Variants in PRUNE2 observed in about 807,000 individuals in gnomAD.
PRUNE2 encodes protein prune homolog 2.
A neutral mutation model predicts 252.0 loss-of-function variants in PRUNE2; 164 were observed. That is an observed-to-expected ratio of 0.65 (90% CI 0.57 to 0.74). The LOEUF is 0.74. Ranked by LOEUF, PRUNE2 falls within the 30% of genes least tolerant of loss-of-function variation. PRUNE2 has a pLI of 0.00. For missense variants in PRUNE2, 3,495 were observed against 3,711.0 expected (o/e 0.94, Z 1.51); for synonymous variants, 1,292 against 1,350.2 (o/e 0.96, Z 0.94).
intron 9 of PRUNE2, among the ~76,000 whole-genome samples, chr9:76,678,339 G>A (rs1251560163): frequency 1.7e-4 from 16 of 93,250 alleles, no homozygotes; most frequent in African/African-American, 6.1e-4. Context: ...AGACAAGAGC[G>A]AGACTCCATC....
Position 76,728,329 on chromosome 9 carries a change from C to T in PRUNE2, c.757-14608G>A, listed in dbSNP as rs140150441. ...CAATCCATTCTCAACCCCGGCTATA[C>T]CTAAGAATAGCCCAGGGAGCTGTTA... On this transcript the variant is annotated intron_variant, in intron 6 of 18. Coordinates refer to ENST00000376718, the MANE Select transcript of PRUNE2 (RefSeq NM_015225.3). Among the ~76,000 whole-genome samples, 154 of 152,014 alleles carry T rather than the reference C, an allele frequency of 1.0e-3. 5 individuals carry two copies. The East Asian group carries it at 0.026, about 26-fold the overall frequency.
chr9:76,757,176 T>C (rs2051235341), intron 6 of PRUNE2, among the ~76,000 whole-genome samples: 1 of 152,228 alleles, frequency 6.6e-6, no homozygotes. Flanking sequence ...GGCTCACCAT[T>C]CATTTATAAT....
At chr9:76,874,539 TA>T (rs1185695968) in intron 1 of PRUNE2, among the ~76,000 whole-genome samples, 2 of 151,354 alleles carry the variant, frequency 1.3e-5, no homozygotes, top group Non-Finnish European at 1.5e-5. Flanking sequence ...AATGAAAACT[TA>T]AAAAAAAATC....
At chr9:76,684,011 T>C (rs2134279715) in intron 9 of PRUNE2, among the ~76,000 whole-genome samples, 1 of 151,948 alleles carries the variant, frequency 6.6e-6, no homozygotes, top group African/African-American at 2.4e-5. Flanking sequence ...ATGTGATGTT[T>C]TGACATATAT....
intron 4 of PRUNE2, among the ~76,000 whole-genome samples, chr9:76,841,454 G>A (rs1048170208): frequency 1.4e-4 from 21 of 152,284 alleles, no homozygotes; most frequent in African/African-American, 4.3e-4. Context: ...CGCCTGGAAC[G>A]CCAGTGAGAC....
At chr9:76,680,086 A>T (rs1007516188) in intron 9 of PRUNE2, among the ~76,000 whole-genome samples, 1 of 152,202 alleles carries the variant, frequency 6.6e-6, no homozygotes, top group Non-Finnish European at 1.5e-5. Context: ...ATGAGAGAAA[A>T]CATTTGCAAG....
chr9:76,710,032 A>G lies in PRUNE2; in HGVS notation c.2242T>C (p.Ser748Pro). ...LPFQNLPMEKSPLPNTSPQGT... is the reference protein window; with the variant it reads ...LPFQNLPMEKPPLPNTSPQGT... ...TGGGGAGATGTATTTGGCAAAGGTG[A>G]CTTCTCCATGGGCAGGTTCTGGAAC... The change falls in exon 8 of 19, where the codon TCA becomes CCA. Residue 748 changes from serine to proline, a missense_variant. Physicochemically the swap from Ser to Pro is moderately conservative, Grantham distance 74. Coordinates refer to ENST00000376718, the MANE Select transcript of PRUNE2 (RefSeq NM_015225.3). 1 of 1,613,764 alleles carries G rather than the reference A, an allele frequency of 6.2e-7. No homozygotes were observed. Among genetic ancestry groups the G allele is most frequent in the East Asian group, 2.2e-5 (1 of 44,866 alleles).
intron 9 of PRUNE2, among the ~76,000 whole-genome samples, chr9:76,696,704 G>A (rs1024712945): frequency 6.6e-6 from 1 of 152,216 alleles, no homozygotes; most frequent in Non-Finnish European, 1.5e-5. Context: ...GGGATTACAG[G>A]CATGAGGCGC....
chr9:76,767,927 A>G (rs1320308622), intron 6 of PRUNE2, among the ~76,000 whole-genome samples: 2 of 152,162 alleles, frequency 1.3e-5, no homozygotes, highest in Admixed American at 1.3e-4. Flanking sequence ...TTGGGTGTAA[A>G]AGAGCAAGGA....
intron 6 of PRUNE2, among the ~76,000 whole-genome samples, chr9:76,748,984 A>C (rs1410916027): frequency 1.3e-5 from 2 of 152,196 alleles, no homozygotes; most frequent in African/African-American, 4.8e-5. Context: ...CTCCGTAAGC[A>C]AGGAAATAAA....
Position 76,644,929 on chromosome 9 carries a change from G to GAGCAAGGCTGAAGGAGC in PRUNE2, c.8558-37_8558-21dup, listed in dbSNP as rs1327724779. The GAGCAAGGCTGAAGGAGC allele has an allele frequency of 1.2e-6, 2 of 1,608,994 alleles. No individual in the cohort carries two copies. Among genetic ancestry groups the GAGCAAGGCTGAAGGAGC allele is most frequent in the South Asian group, 1.1e-5 (1 of 90,248 alleles). On this transcript the variant is annotated intron_variant, in intron 11 of 18. Transcript: ENST00000376718. ...TGGGATCTTCTGGAAACAAAGCACA[G>GAGCAAGGCTGAAGGAGC]AGCAAGGCTGAAGGAGCAAGACCTC... is the stretch of plus-strand genomic sequence containing the variant.
intron 4 of PRUNE2, among the ~76,000 whole-genome samples, chr9:76,835,057 A>G (rs568768018): frequency 1.1e-4 from 16 of 152,366 alleles, no homozygotes; most frequent in African/African-American, 3.8e-4. Context: ...ACAGCAAGCA[A>G]CAAAGAAAGC....
At chr9:76,637,684 A>G in intron 13 of PRUNE2, 135 bp from the exon 14 acceptor site, 1 of 710,168 alleles carries the variant, frequency 1.4e-6, no homozygotes, top group Non-Finnish European at 2.2e-6. Flanking sequence ...TGGGAAGAAT[A>G]CAATTACCTA....
chr9:76,717,603 G>A (rs369279145), intron 6 of PRUNE2, among the ~76,000 whole-genome samples: 3 of 151,440 alleles, frequency 2.0e-5, no homozygotes, highest in Non-Finnish European at 2.9e-5. Flanking sequence ...AATTATATAC[G>A]TGCATACATA....
chr9:76,807,948 C>T (rs1043695482), intron 6 of PRUNE2, among the ~76,000 whole-genome samples: 57 of 152,254 alleles, frequency 3.7e-4, no homozygotes, highest in African/African-American at 1.3e-3. Flanking sequence ...GAGGCTGAGG[C>T]GGGTGGATCA....
In PRUNE2 at chr9:76,901,094, G is replaced by A. The variant is rs144522296; in HGVS notation, c.36+4834C>T. Reference sequence around the variant, plus strand: ...ACAGGGAGCACCTCTCTTCCTTTGCGACAGACTGATCCACTTGAAGATCTG... The same window carrying A: ...ACAGGGAGCACCTCTCTTCCTTTGCAACAGACTGATCCACTTGAAGATCTG... On this transcript the variant is annotated intron_variant, in intron 1 of 18. Coordinates refer to ENST00000376718, the MANE Select transcript of PRUNE2 (RefSeq NM_015225.3). 2.8e-3 allele frequency among the ~76,000 whole-genome samples: 419 copies of A among 152,130 alleles called. 2 individuals are homozygous for A. The highest frequency in any genetic ancestry group is 9.5e-3 in the African/African-American group (394 of 41,504).
At chr9:76,799,806 T>C (rs1462917785) in intron 6 of PRUNE2, among the ~76,000 whole-genome samples, 2 of 152,230 alleles carry the variant, frequency 1.3e-5, no homozygotes, top group African/African-American at 4.8e-5. Flanking sequence ...TTGTTTGGTA[T>C]GGTTTATAGT....
intron 6 of PRUNE2, among the ~76,000 whole-genome samples, chr9:76,771,406 C>G (rs76645737): frequency 6.6e-6 from 1 of 152,210 alleles, no homozygotes; most frequent in East Asian, 1.9e-4. Context: ...CTTAATAAGT[C>G]CTACTATATG....
At chr9:76,659,172 G>A (rs577796400) in intron 9 of PRUNE2, among the ~76,000 whole-genome samples, 4 of 152,270 alleles carry the variant, frequency 2.6e-5, no homozygotes, top group Admixed American at 2.6e-4. Flanking sequence ...GTTGTGTTTT[G>A]CCCTGAGATA....
Sources: gnomAD v4.1 joint callset for allele counts (sites outside exome capture counted in the v4.1 genomes callset) on GRCh38, gnomAD v4.1.1 for gene constraint, MANE v1.5 for transcripts, NCBI Gene and HGNC (gene_info 2026-07-23, HGNC 2026-07-21) for gene names.